Variants in PLCD3 observed in about 807,000 individuals in gnomAD.
The protein encoded by PLCD3 is 1-phosphatidylinositol 4,5-bisphosphate phosphodiesterase delta-3.
PLCD3 carries 62 observed loss-of-function variants against 82.8 expected under a neutral mutation model. That is an observed-to-expected ratio of 0.75 (90% confidence interval 0.61 to 0.93). PLCD3 has a LOEUF of 0.93. Ranked by LOEUF, PLCD3 falls within the 40% of genes least tolerant of loss-of-function variation. The probability of loss-of-function intolerance (pLI) is 0.00; values close to 1 mark genes in which losing one functional copy is unlikely to be tolerated. For missense variants in PLCD3, 1,023 were observed against 1,103.4 expected (o/e 0.93, Z 1.03); for synonymous variants, 478 against 471.8 (o/e 1.01, Z -0.17).
At chr17:45,122,720 C>T (rs921744526) in intron 1 of PLCD3, among the ~76,000 whole-genome samples, 7 of 152,170 alleles carry the variant, frequency 4.6e-5, no homozygotes, top group East Asian at 1.9e-4. Context: ...CACTGTGCCC[C>T]GGAGAGTTTC....
At chr17:45,115,782 T>TA (rs1348588278) in intron 8 of PLCD3, among the ~76,000 whole-genome samples, 1 of 152,244 alleles carries the variant, frequency 6.6e-6, no homozygotes, top group Non-Finnish European at 1.5e-5. Context: ...AAGAAGATCT[T>TA]ACGTGGAAGA....
At chr17:45,122,531 G>A (rs769705375) in intron 1 of PLCD3, among the ~76,000 whole-genome samples, 2 of 152,118 alleles carry the variant, frequency 1.3e-5, no homozygotes, top group Non-Finnish European at 2.9e-5. Context: ...CTCTTCTAGT[G>A]CTTCTAAATT....
At chr17:45,121,176 C>T (rs1335279130) in intron 2 of PLCD3, 35 bp downstream of exon 2, 31 of 1,541,726 alleles carry the variant, frequency 2.0e-5, no homozygotes, top group Non-Finnish European at 2.6e-5. Context: ...CCTGTCCCCA[C>T]CTCCCTGTCC....
rs534564145 is a variant in PLCD3, at chr17:45,112,200, G to A, written c.*416C>T. 7.7e-5 allele frequency: 15 copies of A among 193,898 alleles called. No individual in the cohort carries two copies. The highest frequency in any genetic ancestry group is 2.6e-4 in the African/African-American group (11 of 42,398). 12.0% of individuals were successfully genotyped at this position (193,898 alleles called of 1,614,324 possible). A position where few individuals can be genotyped will look rare whatever the true frequency, so the allele number is the denominator to read the frequency against. On this transcript the variant is annotated 3_prime_UTR_variant, in exon 15 of 15. Coordinates refer to ENST00000619929, the MANE Select transcript of PLCD3 (RefSeq NM_133373.5). ...GGGCTTAGGGGCTAAGCTCGGGGTC[G>A]GGGCCAAGTGGAGTGACTGCGCTCC...
At chr17:45,116,897 A>T in intron 7 of PLCD3, 113 bp from the exon 8 acceptor site, 1 of 1,335,246 alleles carries the variant, frequency 7.5e-7, no homozygotes, top group Non-Finnish European at 9.8e-7. Context: ...GCTCTGGAGA[A>T]CCCAGGGAAG....
At position 45,118,869 on chromosome 17, in the gene PLCD3, C is replaced by T. The variant is rs763019720; in HGVS notation, c.859G>A (p.Ala287Thr). 2.2e-5 allele frequency: 35 copies of T among 1,611,696 alleles called. No individual in the cohort carries two copies. The highest frequency in any genetic ancestry group is 2.4e-5 in the Non-Finnish European group (28 of 1,179,818). ...AGCTGCTGGGCGCGGGCCAGTGTGGCGCCCTCCTCGCCCTGGTCCTCCAGG... is the reference window on the plus strand; with the variant it reads ...AGCTGCTGGGCGCGGGCCAGTGTGGTGCCCTCCTCGCCCTGGTCCTCCAGG... ...EFLEDQGEEG[A>T]TLARAQQLIQ... Residue 287 changes from alanine (A) to threonine (T), a missense_variant, in exon 5 of 15, where the codon GCC becomes ACC. Coordinates refer to ENST00000619929, the MANE Select transcript of PLCD3 (RefSeq NM_133373.5). This position sits in a 1 kb window ranked among gnomAD's most constrained non-coding sequence, Gnocchi z 4.1.
intron 1 of PLCD3, 48 bp from the exon 2 acceptor site, chr17:45,121,420 G>A: frequency 6.9e-7 from 1 of 1,448,928 alleles, no homozygotes. Context: ...CTGCCCAGAG[G>A]CTCCCCTGCC....
chr17:45,121,022 C>T lies in PLCD3; in HGVS notation c.434G>A (p.Gly145Asp), dbSNP rs1224737922. The part of the protein sequence containing the change: ...PARCLTIAFK[G>D]RRKNLDLAAP... Reference sequence around the variant, plus strand: ...CGCCAGGTCCAGGTTCTTGCGGCGGCCCTTGAAGGCGATGGTGAGGCAGCG... The same window carrying T: ...CGCCAGGTCCAGGTTCTTGCGGCGGTCCTTGAAGGCGATGGTGAGGCAGCG... The change falls in exon 3 of 15, where the codon GGC (glycine) becomes GAC (aspartate). Residue 145 changes from glycine to aspartate, a missense_variant. Transcript: ENST00000619929. 2 of 1,540,002 alleles carry T rather than the reference C, an allele frequency of 1.3e-6. No homozygotes were observed. The highest frequency in any genetic ancestry group is 2.5e-5 in the East Asian group (1 of 40,760).
chr17:45,121,595 A>G (rs979441215), intron 1 of PLCD3, among the ~76,000 whole-genome samples: 2 of 152,008 alleles, frequency 1.3e-5, no homozygotes, highest in African/African-American at 4.8e-5. Context: ...ACGCCCCCCA[A>G]CCCGTACCCC....
At chr17:45,121,393 G>A (rs1415763984) in intron 1 of PLCD3, 21 bp from the exon 2 acceptor site, 6 of 1,486,382 alleles carry the variant, frequency 4.0e-6, no homozygotes, top group African/African-American at 1.4e-5. Context: ...GGGAGGACCC[G>A]GGGCGTCAGG....
At chr17:45,125,607 C>CAAAAT (rs1305316719) in intron 1 of PLCD3, among the ~76,000 whole-genome samples, 1 of 152,136 alleles carries the variant, frequency 6.6e-6, no homozygotes, top group African/African-American at 2.4e-5. Flanking sequence ...AAAAACAAAA[C>CAAAAT]AAAACAAAAC....
chr17:45,115,392 ATCCTCC>A lies in PLCD3; in HGVS notation c.1506_1511del (p.Glu502_Glu503del). On this transcript the variant is annotated inframe_deletion, in exon 9 of 15. Transcript: ENST00000619929. ...CCACCTCCTCTTCTTCCTCCTCGTCATCCTCCTCCTCCTCCTCCCGATCCGACAGAG... is the reference window on the plus strand; with the variant it reads ...CCACCTCCTCTTCTTCCTCCTCGTCATCCTCCTCCTCCCGATCCGACAGAG... The A allele has an allele frequency of 6.3e-7, 1 of 1,591,958 alleles. No individual in the cohort carries two copies. Among genetic ancestry groups the A allele is most frequent in the Non-Finnish European group, 8.5e-7 (1 of 1,171,930 alleles).
chr17:45,131,471 T>A (rs1002706679), intron 1 of PLCD3, among the ~76,000 whole-genome samples: 7 of 152,218 alleles, frequency 4.6e-5, no homozygotes, highest in Non-Finnish European at 8.8e-5. Context: ...AGGGCCCATG[T>A]GGTGGGGCAC....
In PLCD3 at chr17:45,112,267, G is replaced by A. The variant is rs935584304; in HGVS notation, c.*349C>T. The A allele has an allele frequency of 1.4e-5, 4 of 295,910 alleles. No homozygotes were observed. The highest frequency in any genetic ancestry group is 2.6e-5 in the Non-Finnish European group (4 of 152,950). The allele number at this position is 295,910 out of a possible 1,614,324, so 18.3% of individuals were successfully genotyped here. ...TGGGATGGCCCACGGGAGGACAGAG[G>A]GGAACTGAGGGCCCACAAGTGTCCT... is the stretch of plus-strand genomic sequence containing the variant. On this transcript the variant is annotated 3_prime_UTR_variant, in exon 15 of 15. Coordinates refer to ENST00000619929, the MANE Select transcript of PLCD3 (RefSeq NM_133373.5).
rs1405655202 is a variant in PLCD3 at position 45,118,058 on chromosome 17, T to A, written c.1196A>T (p.His399Leu). 1 of 1,613,792 alleles carries A rather than the reference T, an allele frequency of 6.2e-7. No individual in the cohort carries two copies. The highest frequency in any genetic ancestry group is 2.2e-5 in the East Asian group (1 of 44,878). The change falls in exon 7 of 15, where the codon CAT (histidine) becomes CTT (leucine). Residue 399 changes from histidine to leucine, a missense_variant. His to Leu is a moderately conservative substitution (Grantham distance 99). This residue lies in a region of PLCD3 where 553 missense variants were observed against 655.7 expected (regional missense o/e 0.84). Coordinates refer to ENST00000619929, the MANE Select transcript of PLCD3 (RefSeq NM_133373.5). The surrounding 1 kb of genome is among the most constrained non-coding windows in gnomAD (Gnocchi z 4.1). The stretch of plus-strand genomic sequence containing the variant: ...GAAGAGAATCTTGGAGGTGAGGGTA[T>A]GGCCATGATAGATGACGGGCTCCCC... ...PGGEPVIYHG[H>L]TLTSKILFRD...
chr17:45,130,123 C>T (rs1164931638), intron 1 of PLCD3, among the ~76,000 whole-genome samples: 1 of 152,130 alleles, frequency 6.6e-6, no homozygotes, highest in East Asian at 1.9e-4. Context: ...CCAACAGACT[C>T]GGACTCAACA....
intron 10 of PLCD3, 110 bp from the exon 11 acceptor site, chr17:45,114,476 G>C (rs1296029782): frequency 9.0e-6 from 7 of 779,322 alleles, no homozygotes; most frequent in Non-Finnish European, 1.4e-5. Context: ...AGGTCACCCT[G>C]CCCCCGCTCC....
At position 45,121,375 on chromosome 17, in the gene PLCD3, G is replaced by T. The variant is rs1598033229; in HGVS notation, c.164-3C>A. On this transcript the variant is annotated splice_polypyrimidine_tract_variant and splice_region_variant and intron_variant, in intron 1 of 14. Coordinates refer to ENST00000619929, the MANE Select transcript of PLCD3 (RefSeq NM_133373.5). ...CACGTCCTCGTCCTCCGTCAGGCCT[G>T]GCGGGGCGGGAGGACCCGGGGCGTC... 6.6e-7 allele frequency: 1 copy of T among 1,504,684 alleles called. No individual in the cohort carries two copies. The highest frequency in any genetic ancestry group is 8.8e-7 in the Non-Finnish European group (1 of 1,132,900). The allele number at this position is 1,504,684 out of a possible 1,614,324, so 93.2% of individuals were successfully genotyped here.
At chr17:45,126,612 A>G (rs936637660) in intron 1 of PLCD3, among the ~76,000 whole-genome samples, 25 of 151,170 alleles carry the variant, frequency 1.7e-4, no homozygotes, top group East Asian at 3.9e-4. Flanking sequence ...CTATTTTACC[A>G]TAATTTTTAA....
Sources: allele counts gnomAD v4.1 joint callset (sites outside exome capture counted in the v4.1 genomes callset), GRCh38; gene constraint gnomAD v4.1.1; regional missense constraint gnomAD v4.1.1; non-coding constraint Gnocchi (gnomAD v3.1); transcripts MANE v1.5; gene names NCBI Gene and HGNC (gene_info 2026-07-23, HGNC 2026-07-21).